Variants in TRAF3 observed in about 807,000 individuals in gnomAD.
The protein encoded by TRAF3 is TNF receptor associated factor 3, also known as TNF receptor-associated factor 3.
TRAF3 carries 13 observed loss-of-function variants against 62.3 expected under a neutral mutation model. The ratio of observed to expected loss-of-function variants is 0.21; its 90% CI spans 0.14 to 0.33. The LOEUF (loss-of-function observed/expected upper bound fraction) is 0.33. Ranked by LOEUF, TRAF3 falls within the 10% of genes least tolerant of loss-of-function variation. TRAF3 has a pLI of 1.00. For missense variants in TRAF3, 440 were observed against 741.8 expected (o/e 0.59, Z 4.73); for synonymous variants, 269 against 283.4 (o/e 0.95, Z 0.51).
At chr14:102,862,980 A>G (rs977180600) in intron 2 of TRAF3, among the ~76,000 whole-genome samples, 1 of 151,954 alleles carries the variant, frequency 6.6e-6, no homozygotes, top group Non-Finnish European at 1.5e-5. Flanking sequence ...TTCTTTATCA[A>G]TATTTTCTAT....
At chr14:102,875,251 G>A (rs965304158) in intron 4 of TRAF3, among the ~76,000 whole-genome samples, 7 of 152,088 alleles carry the variant, frequency 4.6e-5, no homozygotes, top group Admixed American at 1.3e-4. Context: ...CACCTGCTCC[G>A]TGCTGGCTCC....
intron 2 of TRAF3, among the ~76,000 whole-genome samples, chr14:102,850,569 C>G (rs1326695832): frequency 6.6e-6 from 1 of 151,402 alleles, no homozygotes; most frequent in Admixed American, 6.6e-5. Context: ...TGGCACACAC[C>G]TGTAATCCCA....
At chr14:102,874,179 C>T (rs938076016) in intron 4 of TRAF3, among the ~76,000 whole-genome samples, 17 of 152,194 alleles carry the variant, frequency 1.1e-4, no homozygotes, top group African/African-American at 2.4e-4. Context: ...GTGAGAGGAT[C>T]GCTTGAGCCC....
In TRAF3 at chr14:102,804,463, A is replaced by G. The variant is rs142601792; in HGVS notation, c.-156-25871A>G. ...TGACTTGTACCCTTTCAGAGGGCCA[A>G]GAACGCAATATCCTAAAGCAGCCTT... On this transcript the variant is annotated intron_variant, in intron 1 of 11. Coordinates refer to ENST00000392745, the MANE Select transcript of TRAF3 (RefSeq NM_145725.3). Among the ~76,000 whole-genome samples, 813 of 152,248 alleles carry G rather than the reference A, an allele frequency of 5.3e-3. 6 individuals are homozygous for G. Among genetic ancestry groups the G allele is most frequent in the Admixed American group, 9.7e-3 (149 of 15,288 alleles).
At chr14:102,879,963 A>G (rs117228234) in intron 6 of TRAF3, among the ~76,000 whole-genome samples, 2,832 of 152,134 alleles carry the variant, frequency 0.019, 35 homozygotes, top group African/African-American at 0.022. Flanking sequence ...CGAAAAATAA[A>G]AATTTAGCCG....
rs1254481357 is a variant in TRAF3 at position 102,842,181 on chromosome 14, T to G, written c.-18+11709T>G. Reference sequence around the variant, plus strand: ...ATCACTTGAACCCGGGAGGTGGAGGTTGCAGTGAGCCGAGATCACACCACT... The same window carrying G: ...ATCACTTGAACCCGGGAGGTGGAGGGTGCAGTGAGCCGAGATCACACCACT... On this transcript the variant is annotated intron_variant, in intron 2 of 11. Coordinates refer to ENST00000392745, the MANE Select transcript of TRAF3 (RefSeq NM_145725.3). Among the ~76,000 whole-genome samples the G allele has an allele frequency of 3.3e-5, 5 of 150,310 alleles. No homozygotes were observed. The East Asian group carries it at 5.8e-4, about 18-fold the overall frequency.
chr14:102,893,672 G>A (rs1266047845), intron 9 of TRAF3, among the ~76,000 whole-genome samples: 2 of 152,212 alleles, frequency 1.3e-5, no homozygotes, highest in African/African-American at 4.8e-5. Context: ...AATGCCTCAT[G>A]TGTTTAAACT....
At chr14:102,892,250 G>GT (rs2139949203) in intron 9 of TRAF3, among the ~76,000 whole-genome samples, 1 of 152,240 alleles carries the variant, frequency 6.6e-6, no homozygotes, top group South Asian at 2.1e-4. Flanking sequence ...TAGAGATGGG[G>GT]TTTCTCCATG....
chr14:102,858,827 T>C lies in TRAF3; in HGVS notation c.-17-11358T>C, dbSNP rs550509739. On this transcript the variant is annotated intron_variant, in intron 2 of 11. Coordinates refer to ENST00000392745, the MANE Select transcript of TRAF3 (RefSeq NM_145725.3). Reference sequence around the variant, plus strand: ...GACAGTGCTTCCTGTATGATTTTTATACCAAATAAGCCAAATTTCACCATT... The same window carrying C: ...GACAGTGCTTCCTGTATGATTTTTACACCAAATAAGCCAAATTTCACCATT... 2.0e-5 allele frequency among the ~76,000 whole-genome samples: 3 copies of C among 152,338 alleles called. No homozygotes were observed. In the South Asian group the frequency reaches 6.2e-4, roughly 32 times the overall value.
At chr14:102,873,539 T>C (rs1175959718) in intron 4 of TRAF3, among the ~76,000 whole-genome samples, 1 of 152,218 alleles carries the variant, frequency 6.6e-6, no homozygotes. Context: ...ATGGCTAGTT[T>C]TATCAAAGAA....
intron 2 of TRAF3, among the ~76,000 whole-genome samples, chr14:102,838,261 G>T (rs975458467): frequency 3.9e-5 from 6 of 152,202 alleles, no homozygotes; most frequent in African/African-American, 1.4e-4. Context: ...TAAGTGCTGA[G>T]GATACAAACC....
intron 8 of TRAF3, among the ~76,000 whole-genome samples, chr14:102,889,962 A>G (rs1889617607): frequency 6.6e-6 from 1 of 152,276 alleles, no homozygotes; most frequent in African/African-American, 2.4e-5. Flanking sequence ...AAATTTTAGC[A>G]GTTACCTGAA....
At chr14:102,845,359 G>T (rs1175725567) in intron 2 of TRAF3, among the ~76,000 whole-genome samples, 1 of 149,782 alleles carries the variant, frequency 6.7e-6, no homozygotes, top group East Asian at 2.0e-4. Flanking sequence ...CACGCCACTA[G>T]CTCTGGCTAA....
intron 1 of TRAF3, among the ~76,000 whole-genome samples, chr14:102,787,968 C>T (rs1300533445): frequency 6.6e-6 from 1 of 151,648 alleles, no homozygotes; most frequent in African/African-American, 2.4e-5. Flanking sequence ...TCTCATGCCT[C>T]AGCCTCCCGA....
chr14:102,818,606 C>T (rs940936736), intron 1 of TRAF3, among the ~76,000 whole-genome samples: 1 of 152,164 alleles, frequency 6.6e-6, no homozygotes, highest in African/African-American at 2.4e-5. Context: ...TTGACCAGTA[C>T]CTCTCCTTTC....
intron 8 of TRAF3, among the ~76,000 whole-genome samples, 196 bp from the exon 9 acceptor site, chr14:102,891,129 C>T (rs1001728228): frequency 1.3e-5 from 2 of 152,204 alleles, no homozygotes; most frequent in Admixed American, 6.5e-5. Context: ...CTGCTCCTGG[C>T]GGCCTCCTCA....
At chr14:102,827,419 G>A (rs757907142) in intron 1 of TRAF3, among the ~76,000 whole-genome samples, 3 of 152,218 alleles carry the variant, frequency 2.0e-5, no homozygotes, top group Non-Finnish European at 4.4e-5. Flanking sequence ...TGGATATCTT[G>A]GGGATGAGAC....
intron 5 of TRAF3, 54 bp downstream of exon 5, chr14:102,875,782 A>G: frequency 6.8e-7 from 1 of 1,477,676 alleles, no homozygotes; most frequent in Non-Finnish European, 9.5e-7. Context: ...CGAGTCCCTT[A>G]CATCCAGCTG....
rs1201698549 is a variant in TRAF3, at chr14:102,889,711, A to C, written c.726+77A>C. ...AAAGTTATTATATTAACATTTTAAC[A>C]TGCAAGCTCTGGACTCCTTATTCTT... On this transcript the variant is annotated intron_variant, in intron 8 of 11. Coordinates refer to ENST00000392745, the MANE Select transcript of TRAF3 (RefSeq NM_145725.3). The C allele has an allele frequency of 3.9e-6, 6 of 1,530,846 alleles. No individual in the cohort carries two copies. The Admixed American group carries it at 6.7e-5, about 17-fold the overall frequency. The allele number at this position is 1,530,846 out of a possible 1,614,324, so 94.8% of individuals were successfully genotyped here. A position where few individuals can be genotyped will look rare whatever the true frequency, so the allele number is the denominator to read the frequency against.
Sources: allele counts gnomAD v4.1 joint callset (sites outside exome capture counted in the v4.1 genomes callset), GRCh38; gene constraint gnomAD v4.1.1; transcripts MANE v1.5; gene names NCBI Gene and HGNC (gene_info 2026-07-23, HGNC 2026-07-21).